Variants in ACER2 observed in about 807,000 individuals in gnomAD.
The protein encoded by ACER2 is alkCDase 2.
ACER2 carries 26 observed loss-of-function variants against 34.7 expected under a neutral mutation model. That is an observed-to-expected ratio of 0.75 (90% CI 0.55 to 1.04). ACER2 has a LOEUF of 1.04. ACER2 is among the 50% of genes least tolerant of loss of function. The probability of loss-of-function intolerance (pLI) is 0.00; values close to 1 mark genes in which losing one functional copy is unlikely to be tolerated. For missense variants in ACER2, 352 were observed against 340.8 expected, an observed-to-expected ratio of 1.03 and a Z score of -0.26; for synonymous variants, 138 against 132.1, an observed-to-expected ratio of 1.04 and a Z score of -0.31.
intron 3 of ACER2, among the ~76,000 whole-genome samples, chr9:19,434,263 G>T (rs545816754): frequency 1.3e-5 from 2 of 152,086 alleles, no homozygotes; most frequent in East Asian, 1.9e-4. Context: ...ATGGCAGCCG[G>T]GCAGAGATGC....
chr9:19,433,481 A>C (rs1043419221), intron 3 of ACER2, among the ~76,000 whole-genome samples: 10 of 152,148 alleles, frequency 6.6e-5, no homozygotes, highest in East Asian at 1.9e-4. Flanking sequence ...GTAAGGTCAC[A>C]GATCAACAGG....
At chr9:19,442,485 G>T (rs1322298440) in intron 4 of ACER2, among the ~76,000 whole-genome samples, 2 of 152,214 alleles carry the variant, frequency 1.3e-5, no homozygotes, top group African/African-American at 4.8e-5. Context: ...AAAGGTAACA[G>T]GCTGCCCTGA....
chr9:19,434,094 G>A (rs1343739757), intron 3 of ACER2, among the ~76,000 whole-genome samples: 3 of 151,804 alleles, frequency 2.0e-5, no homozygotes, highest in Non-Finnish European at 4.4e-5. Context: ...CCTCCCAGAC[G>A]GGGTGGCGGC....
intron 3 of ACER2, among the ~76,000 whole-genome samples, chr9:19,432,626 ATATT>A (rs1357101507): frequency 2.7e-5 from 4 of 148,344 alleles, no homozygotes; most frequent in Non-Finnish European, 5.9e-5. Context: ...ATAATTACAC[ATATT>A]TATTAATGCA....
chr9:19,436,300 G>GT (rs1289873947), intron 4 of ACER2, among the ~76,000 whole-genome samples: 4 of 151,910 alleles, frequency 2.6e-5, no homozygotes, highest in Non-Finnish European at 5.9e-5. Flanking sequence ...CACTAATGAC[G>GT]TTTTTTAAAA....
intron 1 of ACER2, among the ~76,000 whole-genome samples, chr9:19,418,908 C>T (rs1000032694): frequency 1.1e-4 from 16 of 152,036 alleles, no homozygotes; most frequent in Non-Finnish European, 1.5e-4. Flanking sequence ...TACTGCTGGC[C>T]GGGTGCGGTG....
At chr9:19,448,475 A>G (rs2383096) in intron 5 of ACER2, among the ~76,000 whole-genome samples, 69,032 of 152,040 alleles carry the variant, frequency 0.45, 17,144 homozygotes, top group Non-Finnish European at 0.56. Flanking sequence ...CCTCTCTCTG[A>G]TAACGGACTT....
At position 19,438,847 on chromosome 9, in the gene ACER2, A is replaced by G. The variant is rs866023838; in HGVS notation, c.503+3763A>G. 1.5e-4 allele frequency among the ~76,000 whole-genome samples: 23 copies of G among 152,250 alleles called. 1 individual carries two copies. In the Middle Eastern group the frequency reaches 0.017, roughly 113 times the overall value. On this transcript the variant is annotated intron_variant, in intron 4 of 5. Coordinates refer to ENST00000340967, the MANE Select transcript of ACER2 (RefSeq NM_001010887.3). ...GTTGCCCAGGCTGGAGTGCAGTAGC[A>G]TGATCATAGCTCATTGCATCTTCGA... is the stretch of plus-strand genomic sequence containing the variant.
At chr9:19,441,314 G>A (rs145467625) in intron 4 of ACER2, among the ~76,000 whole-genome samples, 1 of 152,196 alleles carries the variant, frequency 6.6e-6, no homozygotes, top group East Asian at 1.9e-4. Flanking sequence ...CTCCCAAATT[G>A]CTGAGATTAC....
At position 19,441,210 on chromosome 9, in the gene ACER2, T is replaced by C. The variant is rs544813390; in HGVS notation, c.504-5071T>C. On this transcript the variant is annotated intron_variant, in intron 4 of 5. Transcript: ENST00000340967. The stretch of plus-strand genomic sequence containing the variant: ...GACCACAGGCATGTGCCACCATGCC[T>C]GGCTACTTTTTCGTATTTTTAGTAG... Among the ~76,000 whole-genome samples, 15 of 152,112 alleles carry C rather than the reference T, an allele frequency of 9.9e-5. No homozygotes were observed. In the East Asian group the frequency reaches 2.9e-3, roughly 29 times the overall value.
At chr9:19,413,196 C>G (rs890860334) in intron 1 of ACER2, among the ~76,000 whole-genome samples, 3 of 152,246 alleles carry the variant, frequency 2.0e-5, no homozygotes, top group African/African-American at 7.2e-5. Context: ...CCTAATATCT[C>G]TTCCATGAAC....
In ACER2 at chr9:19,450,937, T is replaced by C. The variant is rs1381058651; in HGVS notation, c.*301T>C. ...ACATCTGTTAATCTTTTCTTTAGGA[T>C]TTCTGGATTTTGTGTAATTTTTAAA... On this transcript the variant is annotated 3_prime_UTR_variant, in exon 6 of 6. Transcript: ENST00000340967. 4.7e-6 allele frequency: 1 copy of C among 211,586 alleles called. No homozygotes were observed. Among genetic ancestry groups the C allele is most frequent in the Non-Finnish European group, 9.4e-6 (1 of 106,848 alleles). 13.1% of individuals were successfully genotyped at this position (211,586 alleles called of 1,614,324 possible).
chr9:19,427,637 TTTCTTTTCTC>T (rs1177262699), intron 3 of ACER2, among the ~76,000 whole-genome samples: 2 of 93,524 alleles, frequency 2.1e-5, no homozygotes, highest in African/African-American at 1.1e-4. Flanking sequence ...CCCCCCCTCC[TTTCTTTTCTC>T]TTCTCTTCTC....
chr9:19,423,421 C>G (rs995682823), intron 1 of ACER2, among the ~76,000 whole-genome samples: 1 of 152,188 alleles, frequency 6.6e-6, no homozygotes, highest in African/African-American at 2.4e-5. Flanking sequence ...GTGTCAGAGG[C>G]TGGGTGTGGT....
At chr9:19,411,363 AAAC>A (rs1411911114) in intron 1 of ACER2, among the ~76,000 whole-genome samples, 1 of 151,600 alleles carries the variant, frequency 6.6e-6, no homozygotes, top group Non-Finnish European at 1.5e-5. Context: ...ATTTAGCAAA[AAAC>A]GTTTCTTCCC....
intron 3 of ACER2, among the ~76,000 whole-genome samples, chr9:19,425,764 G>A (rs1323817628): frequency 6.6e-6 from 1 of 152,090 alleles, no homozygotes; most frequent in Non-Finnish European, 1.5e-5. Context: ...GATGAGAAAC[G>A]CTCCTGGAAC....
intron 4 of ACER2, among the ~76,000 whole-genome samples, chr9:19,438,160 T>C (rs188031058): frequency 6.6e-6 from 1 of 152,352 alleles, no homozygotes; most frequent in East Asian, 1.9e-4. Flanking sequence ...ACTTTGGGCA[T>C]TTACTTCACT....
At position 19,450,483 on chromosome 9, in the gene ACER2, C is replaced by A; in HGVS notation, c.675C>A (p.Gly225=). The change falls in exon 6 of 6, where the codon GGC becomes GGA. Residue 225 remains glycine (G), a synonymous_variant. Coordinates refer to ENST00000340967, the MANE Select transcript of ACER2 (RefSeq NM_001010887.3). ...HILICLAAYL[G]CVCFAYFDAA... ...TCATCTGCCTTGCTGCCTACCTGGG[C>A]TGTGTATGCTTTGCCTACTTTGATG... The A allele has an allele frequency of 1.1e-5, 18 of 1,608,826 alleles. No homozygotes were observed. The highest frequency in any genetic ancestry group is 1.4e-5 in the Non-Finnish European group (16 of 1,175,772).
At chr9:19,437,647 A>G (rs1446067606) in intron 4 of ACER2, among the ~76,000 whole-genome samples, 3 of 152,072 alleles carry the variant, frequency 2.0e-5, no homozygotes, top group Admixed American at 2.0e-4. Context: ...CCTATGACCA[A>G]CCAATTTGGA....
Sources: gnomAD v4.1 joint callset for allele counts (sites outside exome capture counted in the v4.1 genomes callset) on GRCh38, gnomAD v4.1.1 for gene constraint, MANE v1.5 for transcripts, NCBI Gene and HGNC (gene_info 2026-07-23, HGNC 2026-07-21) for gene names.